Variants in SPTBN2 observed in about 807,000 individuals in gnomAD.
The protein encoded by SPTBN2 is spectrin beta, non-erythrocytic 2, also known as spectrin beta chain, non-erythrocytic 2.
A neutral mutation model predicts 284.2 loss-of-function variants in SPTBN2; 107 were observed. The observed-to-expected ratio is 0.38, with a 90% confidence interval of 0.32 to 0.44. SPTBN2 has a LOEUF of 0.44. Ranked by LOEUF, SPTBN2 falls within the 20% of genes least tolerant of loss-of-function variation. The pLI is 1.00. For missense variants in SPTBN2, 2,569 were observed against 3,287.1 expected (o/e 0.78, Z 5.34); for synonymous variants, 1,289 against 1,354.8 (o/e 0.95, Z 1.07).
intron 1 of SPTBN2, among the ~76,000 whole-genome samples, chr11:66,738,813 C>CATT (rs1407395163): frequency 6.6e-6 from 1 of 150,930 alleles, no homozygotes; most frequent in East Asian, 2.0e-4. Flanking sequence ...TGCGCTTGGC[C>CATT]ATTATTATTA....
chr11:66,695,740 TTC>T (rs941407462), intron 21 of SPTBN2, among the ~76,000 whole-genome samples: 4 of 152,040 alleles, frequency 2.6e-5, no homozygotes, highest in African/African-American at 9.7e-5. Context: ...TAATTTATAC[TTC>T]TGTTTTTTTT....
chr11:66,720,882 G>A (rs1455834871), intron 3 of SPTBN2, among the ~76,000 whole-genome samples: 2 of 152,056 alleles, frequency 1.3e-5, no homozygotes, highest in Admixed American at 1.3e-4. Context: ...CTCTATGCTT[G>A]GGGGGAAGAG....
chr11:66,698,872 C>T (rs1014644699), intron 19 of SPTBN2, 87 bp from the exon 20 acceptor site: 13 of 1,600,894 alleles, frequency 8.1e-6, no homozygotes, highest in South Asian at 3.3e-5. Context: ...GAGAAGTGGG[C>T]GCCTTGGGAA....
At chr11:66,713,320 T>TG (rs1422801031) in intron 8 of SPTBN2, among the ~76,000 whole-genome samples, 16 of 151,560 alleles carry the variant, frequency 1.1e-4, no homozygotes, top group African/African-American at 3.9e-4. Context: ...ATATTTTTTT[T>TG]GGGGGGGAGG....
intron 20 of SPTBN2, 84 bp downstream of exon 20, chr11:66,698,555 T>C: frequency 6.2e-7 from 1 of 1,603,668 alleles, no homozygotes; most frequent in Non-Finnish European, 8.5e-7. Context: ...TCTCTAACCA[T>C]GACAAAAACC....
chr11:66,708,389 G>A lies in SPTBN2; in HGVS notation c.1192-90C>T. On this transcript the variant is annotated intron_variant, in intron 11 of 37. Transcript: ENST00000533211. This position sits in a 1 kb window ranked among gnomAD's most constrained non-coding sequence, Gnocchi z 4.4. The stretch of plus-strand genomic sequence containing the variant: ...ACATGGTAAGTCCCATGGAAGCTCG[G>A]TCTGGTGGATCCGTGGAATGCAGTG... 7.5e-7 allele frequency: 1 copy of A among 1,325,494 alleles called. No individual in the cohort carries two copies. The highest frequency in any genetic ancestry group is 1.0e-6 in the Non-Finnish European group (1 of 984,712). The allele number at this position is 1,325,494 out of a possible 1,614,324, so 82.1% of individuals were successfully genotyped here.
In SPTBN2 at chr11:66,715,087, C is replaced by T. The variant is rs867191343; in HGVS notation, c.483+135G>A. ...GTCCACTGATCTGGTGCTTGGATAG[C>T]GCCGCCATGGCAGCTGCTACATAAG... On this transcript the variant is annotated intron_variant, in intron 5 of 37. Coordinates refer to ENST00000533211, the MANE Select transcript of SPTBN2 (RefSeq NM_006946.4). The surrounding 1 kb of genome is among the most constrained non-coding windows in gnomAD (Gnocchi z 5.3). 31 of 1,141,708 alleles carry T rather than the reference C, an allele frequency of 2.7e-5. No individual in the cohort carries two copies. The highest frequency in any genetic ancestry group is 2.3e-4 in the African/African-American group (15 of 65,372). The allele number at this position is 1,141,708 out of a possible 1,614,324, so 70.7% of individuals were successfully genotyped here.
intron 1 of SPTBN2, among the ~76,000 whole-genome samples, chr11:66,737,006 A>C (rs538814634): frequency 1.4e-4 from 22 of 152,350 alleles, no homozygotes; most frequent in African/African-American, 4.8e-4. Context: ...GAGCTTCCTC[A>C]TCTGTAAATC....
At position 66,708,165 on chromosome 11, in the gene SPTBN2, G is replaced by A. The variant is rs189411136; in HGVS notation, c.1326C>T (p.Ser442=). ...RKAAMRETWL[S]ENQRLVSQDN... is the part of the protein sequence containing the mutation. ...CCTGGGACACGAGGCGCTGGTTCTC[G>A]CTGAGCCAGGTCTCCCGCATGGCAG... Residue 442 remains serine, a synonymous_variant, in exon 12 of 38, where the codon AGC becomes AGT. Coordinates refer to ENST00000533211, the MANE Select transcript of SPTBN2 (RefSeq NM_006946.4). This position sits in a 1 kb window ranked among gnomAD's most constrained non-coding sequence, Gnocchi z 4.4. 9 of 1,613,118 alleles carry A rather than the reference G, an allele frequency of 5.6e-6. No homozygotes were observed. The highest frequency in any genetic ancestry group is 2.2e-5 in the East Asian group (1 of 44,884).
rs766234508 is a variant in SPTBN2 at position 66,692,962 on chromosome 11, G to T, written c.4985+8C>A. 1.9e-6 allele frequency: 3 copies of T among 1,603,142 alleles called. No homozygotes were observed. Among genetic ancestry groups the T allele is most frequent in the Non-Finnish European group, 2.5e-6 (3 of 1,179,930 alleles). ...CCCCAGGCTGGGCCGGGCTGCCGCT[G>T]CACCCACCTCTCTGGGTGCTCGTGG... On this transcript the variant is annotated splice_region_variant and intron_variant, in intron 25 of 37. Coordinates refer to ENST00000533211, the MANE Select transcript of SPTBN2 (RefSeq NM_006946.4).
intron 1 of SPTBN2, among the ~76,000 whole-genome samples, chr11:66,724,294 G>A (rs1471858133): frequency 6.6e-6 from 1 of 152,158 alleles, no homozygotes; most frequent in Non-Finnish European, 1.5e-5. Flanking sequence ...ATGGTGGCAG[G>A]TGCCTGTAGT....
intron 1 of SPTBN2, among the ~76,000 whole-genome samples, chr11:66,724,174 A>C (rs1942531619): frequency 6.6e-6 from 1 of 152,200 alleles, no homozygotes; most frequent in South Asian, 2.1e-4. Flanking sequence ...TAATCCCAGC[A>C]CTTTGGGAGG....
At position 66,707,491 on chromosome 11, in the gene SPTBN2, C is replaced by A; in HGVS notation, c.1653+25G>T. On this transcript the variant is annotated intron_variant, in intron 13 of 37. Transcript: ENST00000533211. This position sits in a 1 kb window ranked among gnomAD's most constrained non-coding sequence, Gnocchi z 4.9. ...CCCCTCGACTCTTGATCACTCTTAC[C>A]CCACCCAGCACGCCTCACTGGTACC... is the stretch of plus-strand genomic sequence containing the variant. The A allele has an allele frequency of 1.3e-6, 2 of 1,578,048 alleles. No individual in the cohort carries two copies. Among genetic ancestry groups the A allele is most frequent in the South Asian group, 1.1e-5 (1 of 87,076 alleles).
rs1053321160 is a variant in SPTBN2, at chr11:66,690,690, C to T, written c.5566-407G>A. Among the ~76,000 whole-genome samples the T allele has an allele frequency of 2.0e-5, 3 of 152,188 alleles. No homozygotes were observed. The South Asian group carries it at 6.2e-4, about 31-fold the overall frequency. On this transcript the variant is annotated intron_variant, in intron 27 of 37. Coordinates refer to ENST00000533211, the MANE Select transcript of SPTBN2 (RefSeq NM_006946.4). The stretch of plus-strand genomic sequence containing the variant: ...GCCTAGAGCTCAAGCCTGGGAAGCA[C>T]TAACAGGCTGATTTAGCGCAGCATG...
At chr11:66,703,963 A>ATTTCT (rs1226920686) in intron 15 of SPTBN2, among the ~76,000 whole-genome samples, 2 of 135,434 alleles carry the variant, frequency 1.5e-5, no homozygotes, top group African/African-American at 5.5e-5. Context: ...GCTTCCTCGT[A>ATTTCT]TTTCTTTTCT....
In SPTBN2 at chr11:66,705,511, T is replaced by C. The variant is rs779109456; in HGVS notation, c.1808-43A>G. ...GAGGGTCAGAGCCTTAACCCAGCCC[T>C]CCGGCTGCTCCCTGCCACCACACTC... On this transcript the variant is annotated intron_variant, in intron 14 of 37. Transcript: ENST00000533211. 6 of 1,611,418 alleles carry C rather than the reference T, an allele frequency of 3.7e-6. No individual in the cohort carries two copies. The African/African-American group carries it at 8.0e-5, about 22-fold the overall frequency.
Position 66,693,379 on chromosome 11 carries a change from A to G in SPTBN2, c.4661T>C (p.Leu1554Pro). 6.2e-7 allele frequency: 1 copy of G among 1,603,104 alleles called. No individual in the cohort carries two copies. The highest frequency in any genetic ancestry group is 8.5e-7 in the Non-Finnish European group (1 of 1,179,948). ...IADLRERQRA[L>P]GAAAAGPELA... ...CTCTGGACCTGCTGCTGCTGCACCT[A>G]GAGCACGCTGCCGCTCCCTCAGGTC... Residue 1554 changes from leucine to proline, a missense_variant, in exon 24 of 38, where the codon CTA (leucine) becomes CCA (proline). Physicochemically the swap from Leu to Pro is moderately conservative, Grantham distance 98. Coordinates refer to ENST00000533211, the MANE Select transcript of SPTBN2 (RefSeq NM_006946.4). The surrounding 1 kb of genome is among the most constrained non-coding windows in gnomAD (Gnocchi z 5.7).
chr11:66,696,067 A>C (rs141941939), intron 21 of SPTBN2, among the ~76,000 whole-genome samples: 1 of 152,106 alleles, frequency 6.6e-6, no homozygotes, highest in Non-Finnish European at 1.5e-5. Flanking sequence ...TGAAGTTCTC[A>C]TCGTCAAATT....
In SPTBN2 at chr11:66,699,389, G is replaced by A. The variant is rs1941116208; in HGVS notation, c.3776+17C>T. ...TCCCCCCTGGGAACCCTAATTCATG[G>A]ACTGTCCTCATCAGACCTCCTCTCA... On this transcript the variant is annotated intron_variant, in intron 18 of 37. Coordinates refer to ENST00000533211, the MANE Select transcript of SPTBN2 (RefSeq NM_006946.4). The A allele has an allele frequency of 1.2e-6, 2 of 1,613,442 alleles. No individual in the cohort carries two copies. The highest frequency in any genetic ancestry group is 2.2e-5 in the East Asian group (1 of 44,870).
Sources: allele counts gnomAD v4.1 joint callset (sites outside exome capture counted in the v4.1 genomes callset), GRCh38; gene constraint gnomAD v4.1.1; non-coding constraint Gnocchi (gnomAD v3.1); transcripts MANE v1.5; gene names NCBI Gene and HGNC (gene_info 2026-07-23, HGNC 2026-07-21).